Variants in MEGF11 observed in about 807,000 individuals in gnomAD.
MEGF11 encodes multiple EGF like domains 11, also known as multiple epidermal growth factor-like domains protein 11.
MEGF11 carries 126 observed loss-of-function variants against 146.6 expected under a neutral mutation model. That is an observed-to-expected ratio of 0.86 (90% CI 0.74 to 1.00). The LOEUF (loss-of-function observed/expected upper bound fraction) is 1.00, where lower values mean the gene tolerates loss of function less well. MEGF11 is among the 50% of genes least tolerant of loss of function. The pLI, the probability that MEGF11 is intolerant of heterozygous loss-of-function variation, is 0.00. For missense variants in MEGF11, 1,509 were observed against 1,521.2 expected (o/e 0.99, Z 0.13); for synonymous variants, 532 against 583.4 (o/e 0.91, Z 1.27).
intron 1 of MEGF11, among the ~76,000 whole-genome samples, chr15:66,221,613 C>T (rs993063153): frequency 7.9e-5 from 12 of 151,732 alleles, no homozygotes; most frequent in African/African-American, 2.9e-4. Flanking sequence ...GGACAGACCT[C>T]TCTTTATTTG....
At chr15:65,912,297 C>T (rs529765554) in intron 20 of MEGF11, 97 bp from the exon 21 acceptor site, 39 of 702,850 alleles carry the variant, frequency 5.5e-5, no homozygotes, top group Non-Finnish European at 7.3e-5. Context: ...TTGAGAGAGC[C>T]CTGCAAAGAC....
At chr15:65,922,241 A>C in intron 15 of MEGF11, 97 bp downstream of exon 15, 1 of 1,450,858 alleles carries the variant, frequency 6.9e-7, no homozygotes, top group Non-Finnish European at 9.4e-7. Flanking sequence ...CTACCTCCAT[A>C]GCGTATGATG....
At chr15:66,099,036 A>G (rs2086666588) in intron 4 of MEGF11, among the ~76,000 whole-genome samples, 1 of 152,030 alleles carries the variant, frequency 6.6e-6, no homozygotes, top group African/African-American at 2.4e-5. Context: ...CCATATATGA[A>G]GAGACAATTA....
At chr15:65,948,117 C>A (rs1477845858) in intron 10 of MEGF11, among the ~76,000 whole-genome samples, 1 of 152,006 alleles carries the variant, frequency 6.6e-6, no homozygotes, top group Non-Finnish European at 1.5e-5. Context: ...TGTGCCCCCA[C>A]CGACCTGCCA....
chr15:65,928,451 TG>T lies in MEGF11; in HGVS notation c.1648del (p.His550ThrfsTer250). On this transcript the variant is annotated frameshift_variant, in exon 13 of 26. Transcript: ENST00000395614. LOFTEE classifies it high-confidence loss of function. ...HADGCDPVTG[H>X]CCCLAGWTGI... ...TGTCCATCCGGCCAGGCAGCAGCAG[TG>T]GCCTGTGACGGGGTCACATCCATCA... 1 of 1,601,932 alleles carries T rather than the reference TG, an allele frequency of 6.2e-7. No homozygotes were observed. Among genetic ancestry groups the T allele is most frequent in the Non-Finnish European group, 8.5e-7 (1 of 1,172,520 alleles).
chr15:65,906,158 TGTAAG>T lies in MEGF11; in HGVS notation c.2999-22_2999-18del, dbSNP rs2078621217. The T allele has an allele frequency of 7.5e-6, 12 of 1,598,752 alleles. No individual in the cohort carries two copies. Among genetic ancestry groups the T allele is most frequent in the Non-Finnish European group, 1.0e-5 (12 of 1,170,726 alleles). ...CACAAGCACCTGTGTAAAAATAACA[TGTAAG>T]GAAAGAAAATATGGGGGTGAGGTTT... On this transcript the variant is annotated intron_variant, in intron 23 of 25. Transcript: ENST00000395614.
At chr15:66,242,607 C>A (rs1251130641) in intron 1 of MEGF11, among the ~76,000 whole-genome samples, 2 of 151,946 alleles carry the variant, frequency 1.3e-5, no homozygotes, top group African/African-American at 4.8e-5. Context: ...TATGCTCATG[C>A]CTATCCAATA....
At chr15:65,976,659 T>G (rs1336856666) in intron 7 of MEGF11, among the ~76,000 whole-genome samples, 1 of 152,228 alleles carries the variant, frequency 6.6e-6, no homozygotes, top group Non-Finnish European at 1.5e-5. Flanking sequence ...GCCTAGTCTG[T>G]GGCACTTTGT....
At chr15:65,904,628 G>C (rs1596814074) in intron 24 of MEGF11, among the ~76,000 whole-genome samples, 2 of 152,196 alleles carry the variant, frequency 1.3e-5, no homozygotes, top group East Asian at 3.9e-4. Context: ...GTGTCTTGGT[G>C]TATGTAAAAC....
At chr15:65,996,482 CTT>C (rs11330825) in intron 5 of MEGF11, among the ~76,000 whole-genome samples, 6,170 of 145,446 alleles carry the variant, frequency 0.042, 190 homozygotes, top group Non-Finnish European at 0.062. Context: ...CTCTAGCACA[CTT>C]TTTTTTTTTT....
chr15:66,076,623 T>G (rs964607312), intron 5 of MEGF11, among the ~76,000 whole-genome samples: 5 of 152,160 alleles, frequency 3.3e-5, no homozygotes, highest in Admixed American at 2.6e-4. Flanking sequence ...AGGGCATGGC[T>G]GCTCCTGAGA....
chr15:66,067,081 T>G (rs1280079079), intron 5 of MEGF11, among the ~76,000 whole-genome samples: 1 of 152,214 alleles, frequency 6.6e-6, no homozygotes, highest in Non-Finnish European at 1.5e-5. Flanking sequence ...AGGTTTGATA[T>G]GAGGATTCAA....
At chr15:66,003,025 C>G (rs2082412459) in intron 5 of MEGF11, among the ~76,000 whole-genome samples, 5 of 150,634 alleles carry the variant, frequency 3.3e-5, no homozygotes, top group Non-Finnish European at 7.4e-5. Context: ...GAGTCTAGCT[C>G]TGTCACCCAG....
chr15:66,199,516 C>T (rs921512891), intron 1 of MEGF11, among the ~76,000 whole-genome samples: 5 of 152,342 alleles, frequency 3.3e-5, no homozygotes, highest in Admixed American at 2.6e-4. Context: ...CCCAAGCCAG[C>T]CCAGAGGCTC....
intron 1 of MEGF11, among the ~76,000 whole-genome samples, chr15:66,186,449 G>T (rs1387367942): frequency 6.6e-6 from 1 of 152,210 alleles, no homozygotes; most frequent in African/African-American, 2.4e-5. Context: ...GAAGGAGCTG[G>T]CATCATTCTC....
At chr15:65,905,812 A>G in intron 24 of MEGF11, 1 of 347,408 alleles carries the variant, frequency 2.9e-6, no homozygotes, top group Non-Finnish European at 5.2e-6. Flanking sequence ...GACGCTTTAC[A>G]TTTCCGAAGA....
chr15:66,062,602 C>A (rs973047316), intron 5 of MEGF11, among the ~76,000 whole-genome samples: 10 of 152,198 alleles, frequency 6.6e-5, no homozygotes, highest in African/African-American at 1.4e-4. Flanking sequence ...TTGGTTGTAA[C>A]CTTGTGAGAC....
At chr15:66,150,940 C>T (rs557559589) in intron 1 of MEGF11, among the ~76,000 whole-genome samples, 1 of 151,990 alleles carries the variant, frequency 6.6e-6, no homozygotes, top group East Asian at 1.9e-4. Flanking sequence ...AGACAATCAT[C>T]CCATCCCCTT....
intron 1 of MEGF11, among the ~76,000 whole-genome samples, chr15:66,164,095 G>A (rs2090033530): frequency 1.3e-5 from 2 of 152,154 alleles, no homozygotes; most frequent in Admixed American, 1.3e-4. Flanking sequence ...GATTTGCAGG[G>A]GTGGGGTGGG....
Sources: allele counts gnomAD v4.1 joint callset (sites outside exome capture counted in the v4.1 genomes callset), GRCh38; gene constraint gnomAD v4.1.1; transcripts MANE v1.5; gene names NCBI Gene and HGNC (gene_info 2026-07-23, HGNC 2026-07-21).